ST8SIA1: variants seen among roughly 807,000 people sequenced by gnomAD.
ST8SIA1 encodes the protein alpha-N-acetylneuraminide alpha-2,8-sialyltransferase.
A neutral mutation model predicts 35.9 loss-of-function variants in ST8SIA1; 16 were observed. The ratio of observed to expected loss-of-function variants is 0.45; its 90% CI spans 0.30 to 0.68. The LOEUF is 0.68. ST8SIA1 is among the 30% of genes least tolerant of loss of function. ST8SIA1 has a pLI of 0.09. For synonymous variants in ST8SIA1, 170 were observed against 169.6 expected, an observed-to-expected ratio of 1.00 and a Z score of -0.02; for missense variants, 383 against 453.6, an observed-to-expected ratio of 0.84 and a Z score of 1.41.
intron 1 of ST8SIA1, among the ~76,000 whole-genome samples, chr12:22,321,032 AAG>A (rs1349729992): frequency 2.7e-4 from 27 of 100,010 alleles, no homozygotes; most frequent in East Asian, 2.6e-3. Flanking sequence ...GAAAGAAAGA[AAG>A]AGAAAGAGAA....
intron 4 of ST8SIA1, among the ~76,000 whole-genome samples, chr12:22,208,617 T>A (rs1865142246): frequency 6.6e-6 from 1 of 152,114 alleles, no homozygotes; most frequent in Admixed American, 6.5e-5. Flanking sequence ...TAAAGTAAAA[T>A]TTGATAAGGT....
chr12:22,334,459 G>T lies in ST8SIA1; in HGVS notation c.-227C>A. 1.7e-6 allele frequency: 1 copy of T among 585,918 alleles called. No homozygotes were observed. Among genetic ancestry groups the T allele is most frequent in the Non-Finnish European group, 3.0e-6 (1 of 328,464 alleles). The allele number at this position is 585,918 out of a possible 1,614,324, so 36.3% of individuals were successfully genotyped here. On this transcript the variant is annotated 5_prime_UTR_variant, in exon 1 of 5. Transcript: ENST00000396037. The stretch of plus-strand genomic sequence containing the variant: ...TTCTTTCTAGGGGAAGTGGCTGGGG[G>T]TGAAGTCACGATCTATGGCCATGGT...
chr12:22,285,489 T>C (rs1339862060), intron 2 of ST8SIA1, among the ~76,000 whole-genome samples: 1 of 152,234 alleles, frequency 6.6e-6, no homozygotes, highest in East Asian at 1.9e-4. Context: ...AATACAATTC[T>C]GCTTTTCATG....
At chr12:22,235,071 G>C (rs1865461258) in intron 4 of ST8SIA1, among the ~76,000 whole-genome samples, 2 of 152,150 alleles carry the variant, frequency 1.3e-5, no homozygotes, top group African/African-American at 4.8e-5. Context: ...TGTGTGCGCA[G>C]GGTGTGTGTG....
At chr12:22,214,125 A>T (rs1865206683) in intron 4 of ST8SIA1, among the ~76,000 whole-genome samples, 1 of 152,210 alleles carries the variant, frequency 6.6e-6, no homozygotes, top group Non-Finnish European at 1.5e-5. Context: ...AAATAAAAAC[A>T]CTGACAAATT....
intron 1 of ST8SIA1, among the ~76,000 whole-genome samples, chr12:22,329,646 C>A (rs187229496): frequency 6.6e-6 from 1 of 152,268 alleles, no homozygotes; most frequent in South Asian, 2.1e-4. Flanking sequence ...ACTCCCAATG[C>A]CCTTTTCCTG....
At chr12:22,239,875 T>G (rs898772852) in intron 4 of ST8SIA1, among the ~76,000 whole-genome samples, 89 of 152,208 alleles carry the variant, frequency 5.8e-4, no homozygotes, top group Non-Finnish European at 2.6e-4. Context: ...CTCAACATGG[T>G]GAGTCCAGAG....
chr12:22,253,760 G>A (rs1865698676), intron 3 of ST8SIA1, among the ~76,000 whole-genome samples: 1 of 152,052 alleles, frequency 6.6e-6, no homozygotes, highest in Non-Finnish European at 1.5e-5. Context: ...CAATACAGAG[G>A]AAAAACTATG....
rs150383404 is a variant in ST8SIA1 at position 22,276,806 on chromosome 12, G to C, written c.381+10343C>G. ...TGACCTGCCAGGAAGAGGGGAGAGAGAGAGAAAAAGAGATGCTGTTGAACA... is the reference window on the plus strand; with the variant it reads ...TGACCTGCCAGGAAGAGGGGAGAGACAGAGAAAAAGAGATGCTGTTGAACA... On this transcript the variant is annotated intron_variant, in intron 2 of 4. Transcript: ENST00000396037. 7.5e-3 allele frequency among the ~76,000 whole-genome samples: 1,136 copies of C among 151,546 alleles called. 13 individuals carry two copies. The highest frequency in any genetic ancestry group is 0.026 in the African/African-American group (1,089 of 41,248).
At chr12:22,240,948 T>G (rs1216382268) in intron 4 of ST8SIA1, among the ~76,000 whole-genome samples, 1 of 151,456 alleles carries the variant, frequency 6.6e-6, no homozygotes, top group African/African-American at 2.4e-5. Context: ...TTGTTCTAAA[T>G]ACATTTCTGT....
At chr12:22,224,682 C>T (rs1865336397) in intron 4 of ST8SIA1, among the ~76,000 whole-genome samples, 1 of 152,094 alleles carries the variant, frequency 6.6e-6, no homozygotes, top group African/African-American at 2.4e-5. Context: ...ATGTATAAAT[C>T]ATTTTTCTTT....
chr12:22,279,552 G>A (rs1017896813), intron 2 of ST8SIA1, among the ~76,000 whole-genome samples: 2 of 152,222 alleles, frequency 1.3e-5, no homozygotes, highest in African/African-American at 2.4e-5. Context: ...AACCTCCAGC[G>A]TAGAGACTGG....
At chr12:22,292,215 A>G (rs1866185328) in intron 1 of ST8SIA1, among the ~76,000 whole-genome samples, 1 of 152,222 alleles carries the variant, frequency 6.6e-6, no homozygotes, top group Non-Finnish European at 1.5e-5. Context: ...TTCCATGAGG[A>G]ATAAATACTC....
intron 4 of ST8SIA1, among the ~76,000 whole-genome samples, chr12:22,211,980 G>A (rs1165665126): frequency 6.6e-6 from 1 of 152,102 alleles, no homozygotes; most frequent in Non-Finnish European, 1.5e-5. Flanking sequence ...CAAAGTACTG[G>A]GATTACAGGC....
chr12:22,255,775 C>A (rs1865722433), intron 2 of ST8SIA1, among the ~76,000 whole-genome samples: 1 of 152,198 alleles, frequency 6.6e-6, no homozygotes, highest in South Asian at 2.1e-4. Context: ...TGATTGCAAT[C>A]TCATTCATTC....
chr12:22,231,521 A>G (rs1443567112), intron 4 of ST8SIA1, among the ~76,000 whole-genome samples: 2 of 152,128 alleles, frequency 1.3e-5, no homozygotes, highest in East Asian at 3.9e-4. Flanking sequence ...GGCCAAGGAT[A>G]AACTAATTCT....
At position 22,210,801 on chromosome 12, in the gene ST8SIA1, C is replaced by G. The variant is rs559217697; in HGVS notation, c.585-8763G>C. Among the ~76,000 whole-genome samples the G allele has an allele frequency of 6.2e-4, 95 of 152,320 alleles. 2 individuals carry two copies. Among genetic ancestry groups the G allele is most frequent in the African/African-American group, 2.2e-3 (90 of 41,574 alleles). ...TTTTAGGTTCAGCCTAAAGATTTCT[C>G]TATACACAGTGAACTGTAACTTAAC... On this transcript the variant is annotated intron_variant, in intron 4 of 4. Coordinates refer to ENST00000396037, the MANE Select transcript of ST8SIA1 (RefSeq NM_003034.4).
intron 4 of ST8SIA1, among the ~76,000 whole-genome samples, chr12:22,239,939 G>A (rs1317485249): frequency 6.6e-6 from 1 of 152,042 alleles, no homozygotes; most frequent in East Asian, 1.9e-4. Flanking sequence ...ACACCATTTG[G>A]TCTGGTTTTT....
chr12:22,208,104 C>T (rs1865134338), intron 4 of ST8SIA1, among the ~76,000 whole-genome samples: 1 of 145,304 alleles, frequency 6.9e-6, no homozygotes, highest in Non-Finnish European at 1.5e-5. Context: ...CGTGCCACTG[C>T]ACTCCAGCCT....
Sources: gnomAD v4.1 joint callset for allele counts (sites outside exome capture counted in the v4.1 genomes callset) on GRCh38, gnomAD v4.1.1 for gene constraint, MANE v1.5 for transcripts, NCBI Gene and HGNC (gene_info 2026-07-23, HGNC 2026-07-21) for gene names.